RFTN1: variants seen among roughly 807,000 people sequenced by gnomAD.
RFTN1 encodes the protein raftlin, lipid raft linker 1, also known as raftlin.
In RFTN1, 26 loss-of-function variants were observed where a neutral mutation model predicts 46.5. The observed-to-expected ratio is 0.56, with a 90% CI of 0.41 to 0.78. The LOEUF (loss-of-function observed/expected upper bound fraction) is 0.78, where lower values mean the gene tolerates loss of function less well. RFTN1 is among the 30% of genes least tolerant of loss of function. RFTN1 has a pLI of 0.00. For missense variants in RFTN1, 693 were observed against 718.7 expected (o/e 0.96, Z 0.41); for synonymous variants, 261 against 284.2 (o/e 0.92, Z 0.82).
rs1042263406 is a variant in RFTN1 at position 16,494,018 on chromosome 3, A to C, written c.-8-141T>G. 7.8e-6 allele frequency: 7 copies of C among 902,564 alleles called. 1 individual carries two copies. The highest frequency in any genetic ancestry group is 2.5e-5 in the Admixed American group (1 of 40,254). 55.9% of individuals were successfully genotyped at this position (902,564 alleles called of 1,614,324 possible). A position where few individuals can be genotyped will look rare whatever the true frequency, so the allele number is the denominator to read the frequency against. ...CTTATGAAACTGAGAGTATAATTTA[A>C]TATAGGACCTGAACACAGAGGACTG... is the stretch of plus-strand genomic sequence containing the variant. On this transcript the variant is annotated intron_variant, in intron 1 of 9. Coordinates refer to ENST00000334133, the MANE Select transcript of RFTN1 (RefSeq NM_015150.2).
chr3:16,324,102 A>G (rs1393086367), intron 8 of RFTN1, among the ~76,000 whole-genome samples: 2 of 136,144 alleles, frequency 1.5e-5, no homozygotes, highest in African/African-American at 5.0e-5. Context: ...AAAGAAGATC[A>G]CTGTTTTTTT....
chr3:16,376,634 G>A lies in RFTN1; in HGVS notation c.826+1084C>T, dbSNP rs1269697308. ...TCAAACAGCGAAAAATCACACAGAT[G>A]AAGGGCTCTACTTCAGTGCATACTA... On this transcript the variant is annotated intron_variant, in intron 5 of 9. Transcript: ENST00000334133. The surrounding 1 kb of genome is among the most constrained non-coding windows in gnomAD (Gnocchi z 4.7). Among the ~76,000 whole-genome samples the A allele has an allele frequency of 6.6e-6, 1 of 152,218 alleles. No homozygotes were observed. The highest frequency in any genetic ancestry group is 1.5e-5 in the Non-Finnish European group (1 of 68,038).
intron 4 of RFTN1, among the ~76,000 whole-genome samples, chr3:16,404,824 G>A (rs551358388): frequency 3.9e-5 from 6 of 152,082 alleles, no homozygotes; most frequent in South Asian, 4.2e-4. Flanking sequence ...CTGCCCACTC[G>A]TGCCTCTCCT....
At chr3:16,330,617 G>A (rs985823191) in intron 7 of RFTN1, among the ~76,000 whole-genome samples, 4 of 152,204 alleles carry the variant, frequency 2.6e-5, no homozygotes, top group African/African-American at 9.6e-5. Context: ...TGGTGGATAC[G>A]TAATCTCCGA....
At chr3:16,505,970 A>G (rs971021717) in intron 1 of RFTN1, among the ~76,000 whole-genome samples, 3 of 152,238 alleles carry the variant, frequency 2.0e-5, no homozygotes, top group African/African-American at 4.8e-5. Context: ...GATTCACACA[A>G]TAAAAGAGCA....
Position 16,400,586 on chromosome 3 carries a change from C to T in RFTN1, c.441+8789G>A, listed in dbSNP as rs2074576483. On this transcript the variant is annotated intron_variant, in intron 4 of 9. Transcript: ENST00000334133. The surrounding 1 kb of genome is among the most constrained non-coding windows in gnomAD (Gnocchi z 4.5). ...TCTGTTCAAAGAAATGTGAACGAAA[C>T]CTGACCCACTGATGCTGGACAGTAG... Among the ~76,000 whole-genome samples, 1 of 152,206 alleles carries T rather than the reference C, an allele frequency of 6.6e-6. No individual in the cohort carries two copies. The highest frequency in any genetic ancestry group is 2.4e-5 in the African/African-American group (1 of 41,442).
rs3029330 is a variant in RFTN1, at chr3:16,508,696, G to GCACA, written c.-9+4742_-9+4745dup. Among the ~76,000 whole-genome samples the GCACA allele has an allele frequency of 6.4e-4, 42 of 65,786 alleles. No individual in the cohort carries two copies. In the South Asian group the frequency reaches 0.014, roughly 22 times the overall value. The allele number at this position is 65,786 out of a possible 152,430, so 43.2% of individuals were successfully genotyped here. On this transcript the variant is annotated intron_variant, in intron 1 of 9. Coordinates refer to ENST00000334133, the MANE Select transcript of RFTN1 (RefSeq NM_015150.2). ...GAATGGAAGGAAAGATCACACGCACGCACACACACACACACACACACACAC... is the reference window on the plus strand; with the variant it reads ...GAATGGAAGGAAAGATCACACGCACGCACACACACACACACACACACACACACAC...
intron 7 of RFTN1, among the ~76,000 whole-genome samples, chr3:16,350,971 A>G (rs892122410): frequency 2.0e-5 from 3 of 152,190 alleles, no homozygotes; most frequent in African/African-American, 7.2e-5. Flanking sequence ...GTGGATTCTT[A>G]AAGAGATGGT....
rs1331031542 is a variant in RFTN1 at position 16,500,347 on chromosome 3, CA to C, written c.-8-6471del. Among the ~76,000 whole-genome samples the C allele has an allele frequency of 6.6e-6, 1 of 152,160 alleles. No homozygotes were observed. Among genetic ancestry groups the C allele is most frequent in the Non-Finnish European group, 1.5e-5 (1 of 68,028 alleles). On this transcript the variant is annotated intron_variant, in intron 1 of 9. Coordinates refer to ENST00000334133, the MANE Select transcript of RFTN1 (RefSeq NM_015150.2). The surrounding 1 kb of genome is among the most constrained non-coding windows in gnomAD (Gnocchi z 5.9). The stretch of plus-strand genomic sequence containing the variant: ...TTTCTCTTTTTATATTTTGTTTTCT[CA>C]GCAGACATCCCTGAAACTATGTGTA...
chr3:16,434,406 AC>A (rs369279056), intron 2 of RFTN1, among the ~76,000 whole-genome samples: 71 of 149,924 alleles, frequency 4.7e-4, no homozygotes, highest in African/African-American at 1.7e-3. Flanking sequence ...AAACAAAAAA[AC>A]CCCCTCAAAA....
chr3:16,471,598 A>G (rs1222176852), intron 2 of RFTN1, among the ~76,000 whole-genome samples: 4 of 152,230 alleles, frequency 2.6e-5, no homozygotes, highest in Non-Finnish European at 5.9e-5. Flanking sequence ...ATTACAGAAC[A>G]GGGAGTAGAA....
At chr3:16,467,554 C>A (rs561016942) in intron 2 of RFTN1, among the ~76,000 whole-genome samples, 2 of 152,204 alleles carry the variant, frequency 1.3e-5, no homozygotes, top group Non-Finnish European at 2.9e-5. Flanking sequence ...CCGGAAGGAG[C>A]CTTCTGTAAG....
chr3:16,409,684 A>AT (rs386396025), intron 3 of RFTN1, among the ~76,000 whole-genome samples: 5,066 of 122,464 alleles, frequency 0.041, 190 homozygotes, highest in Middle Eastern at 0.096. Flanking sequence ...CACCCGGCTA[A>AT]TTTTTTTTTT....
At position 16,321,146 on chromosome 3, in the gene RFTN1, G is replaced by T. The variant is rs1290001572; in HGVS notation, c.1332+2230C>A. Among the ~76,000 whole-genome samples, 1 of 152,100 alleles carries T rather than the reference G, an allele frequency of 6.6e-6. No homozygotes were observed. The highest frequency in any genetic ancestry group is 1.9e-4 in the East Asian group (1 of 5,194). ...TGCCATTCCTCTAGATAGGGTGGCG[G>T]TTGGCCAGGTGGGCGAGGTATGGGG... On this transcript the variant is annotated intron_variant, in intron 9 of 9. Transcript: ENST00000334133. This position sits in a 1 kb window ranked among gnomAD's most constrained non-coding sequence, Gnocchi z 4.8.
chr3:16,504,695 C>T lies in RFTN1; in HGVS notation c.-9+8747G>A, dbSNP rs76090646. ...TTAGCACTCACACTCCCTCTCTTGCCCTAACTTGACCTGCTCCAGGCAAGA... is the reference window on the plus strand; with the variant it reads ...TTAGCACTCACACTCCCTCTCTTGCTCTAACTTGACCTGCTCCAGGCAAGA... On this transcript the variant is annotated intron_variant, in intron 1 of 9. Coordinates refer to ENST00000334133, the MANE Select transcript of RFTN1 (RefSeq NM_015150.2). This position sits in a 1 kb window ranked among gnomAD's most constrained non-coding sequence, Gnocchi z 4.4. Among the ~76,000 whole-genome samples the T allele has an allele frequency of 0.063, 9,638 of 152,184 alleles. 560 individuals are homozygous for T. The highest frequency in any genetic ancestry group is 0.14 in the African/African-American group (5,830 of 41,488).
chr3:16,349,968 A>G (rs1315213480), intron 7 of RFTN1: 2 of 152,228 alleles, frequency 1.3e-5, no homozygotes, highest in African/African-American at 4.8e-5. Context: ...AAGGCCTTCA[A>G]CTGATTGAAG....
Position 16,453,507 on chromosome 3 carries a change from C to T in RFTN1, c.146-19470G>A, listed in dbSNP as rs2075854255. Among the ~76,000 whole-genome samples the T allele has an allele frequency of 2.0e-5, 3 of 152,358 alleles. No individual in the cohort carries two copies. In the South Asian group the frequency reaches 6.2e-4, roughly 32 times the overall value. ...TTGTGTGCCTCCAAGATGTTCCTTG[C>T]TTAAGGACTTGTTTAAGTTCCATCA... On this transcript the variant is annotated intron_variant, in intron 2 of 9. Transcript: ENST00000334133.
At chr3:16,503,570 C>G (rs893781747) in intron 1 of RFTN1, among the ~76,000 whole-genome samples, 1 of 152,190 alleles carries the variant, frequency 6.6e-6, no homozygotes, top group Non-Finnish European at 1.5e-5. Context: ...TCCTAGCCCT[C>G]TCCAATCTCC....
rs2071897077 is a variant in RFTN1, at chr3:16,348,687, ACT to A, written c.1146+9243_1146+9244del. On this transcript the variant is annotated intron_variant, in intron 7 of 9. Coordinates refer to ENST00000334133, the MANE Select transcript of RFTN1 (RefSeq NM_015150.2). The surrounding 1 kb of genome is among the most constrained non-coding windows in gnomAD (Gnocchi z 6.3). ...TGTTCCTGGGCATCAAAAAGTAGTCACTCTCTTTGAGCCTATGGAGTTTCCCA... is the reference window on the plus strand; with the variant it reads ...TGTTCCTGGGCATCAAAAAGTAGTCACTCTTTGAGCCTATGGAGTTTCCCA... 6.6e-6 allele frequency among the ~76,000 whole-genome samples: 1 copy of A among 151,532 alleles called. No homozygotes were observed. Among genetic ancestry groups the A allele is most frequent in the Non-Finnish European group, 1.5e-5 (1 of 67,890 alleles).
Sources: gnomAD v4.1 joint callset for allele counts (sites outside exome capture counted in the v4.1 genomes callset) on GRCh38, gnomAD v4.1.1 for gene constraint, Gnocchi (gnomAD v3.1) non-coding constraint, MANE v1.5 for transcripts, NCBI Gene and HGNC (gene_info 2026-07-23, HGNC 2026-07-21) for gene names.